Variants in CD163L1 observed in about 807,000 individuals in gnomAD.
The protein encoded by CD163L1 is scavenger receptor cysteine-rich type 1 protein M160.
CD163L1 carries 124 observed loss-of-function variants against 165.4 expected under a neutral mutation model. The observed-to-expected ratio is 0.75, with a 90% CI of 0.65 to 0.87. The LOEUF is 0.87. Among genes scored for constraint, CD163L1 ranks in the 40% least tolerant of loss-of-function variants. The pLI is 0.00. For missense variants in CD163L1, 1,525 were observed against 1,799.9 expected (o/e 0.85, Z 2.76); for synonymous variants, 585 against 662.2 (o/e 0.88, Z 1.79).
chr12:7,370,382 ATTCT>A (rs1947120476), intron 14 of CD163L1, among the ~76,000 whole-genome samples: 1 of 152,128 alleles, frequency 6.6e-6, no homozygotes, highest in African/African-American at 2.4e-5. Flanking sequence ...TTTATGTTTC[ATTCT>A]TTATTATTTT....
chr12:7,364,611 A>G (rs1288716957), intron 18 of CD163L1, among the ~76,000 whole-genome samples: 1 of 152,198 alleles, frequency 6.6e-6, no homozygotes, highest in Non-Finnish European at 1.5e-5. Context: ...CAAAATCAAC[A>G]TATAAAAATC....
intron 6 of CD163L1, among the ~76,000 whole-genome samples, chr12:7,399,527 TTC>T (rs1398787912): frequency 6.5e-5 from 1 of 15,434 alleles, no homozygotes; most frequent in African/African-American, 2.5e-4. Flanking sequence ...CTCTCTTTCT[TTC>T]TCTTTCTTTC....
chr12:7,368,274 G>C lies in CD163L1; in HGVS notation c.4073-77C>G. ...GGGTTTATACATTGTAAAAAAAACT[G>C]GTTCCCTAGTTGCTGAGAAGAATAA... is the stretch of plus-strand genomic sequence containing the variant. On this transcript the variant is annotated intron_variant, in intron 16 of 19. Transcript: ENST00000313599. The surrounding 1 kb of genome is among the most constrained non-coding windows in gnomAD (Gnocchi z 4.3). 1.3e-6 allele frequency: 1 copy of C among 757,430 alleles called. No individual in the cohort carries two copies. The highest frequency in any genetic ancestry group is 1.8e-5 in the South Asian group (1 of 55,744). The allele number at this position is 757,430 out of a possible 1,614,324, so 46.9% of individuals were successfully genotyped here.
rs767476279 is a variant in CD163L1 at position 7,432,674 on chromosome 12, C to A, written c.508G>T (p.Val170Leu). The change falls in exon 4 of 20, where the codon GTG (valine) becomes TTG (leucine). Residue 170 changes from valine to leucine, a missense_variant. By Grantham distance (32) the Val-to-Leu change is conservative. Coordinates refer to ENST00000313599, the MANE Select transcript of CD163L1 (RefSeq NM_174941.6). The surrounding 1 kb of genome is among the most constrained non-coding windows in gnomAD (Gnocchi z 4.2). ...GNNSCSGRVE[V>L]KFQERWGTIC... ...GTTCCCCACCTTTCTTGGAATTTCA[C>A]CTCCACTCTCCCTGAACAGGAGTTG... 1 of 1,614,028 alleles carries A rather than the reference C, an allele frequency of 6.2e-7. No individual in the cohort carries two copies. The highest frequency in any genetic ancestry group is 1.1e-5 in the South Asian group (1 of 91,042).
chr12:7,421,024 C>CGT (rs1555202004), intron 4 of CD163L1, among the ~76,000 whole-genome samples: 2 of 105,024 alleles, frequency 1.9e-5, no homozygotes, highest in African/African-American at 9.2e-5. Flanking sequence ...TATATATATA[C>CGT]ATATATATAT....
chr12:7,422,983 T>C (rs1320894733), intron 4 of CD163L1, among the ~76,000 whole-genome samples: 2 of 151,970 alleles, frequency 1.3e-5, no homozygotes, highest in South Asian at 2.1e-4. Context: ...GCAAACCTAA[T>C]AGATATCTAC....
At chr12:7,412,389 C>T (rs1485932285) in intron 4 of CD163L1, among the ~76,000 whole-genome samples, 1 of 152,124 alleles carries the variant, frequency 6.6e-6, no homozygotes, top group Non-Finnish European at 1.5e-5. Context: ...ACCAAAATTA[C>T]ATAAGCAATT....
chr12:7,440,359 C>G (rs2136654466), intron 2 of CD163L1, among the ~76,000 whole-genome samples: 1 of 151,542 alleles, frequency 6.6e-6, no homozygotes, highest in South Asian at 2.1e-4. Flanking sequence ...CGCCATCCCC[C>G]CACCGCCGCA....
intron 2 of CD163L1, chr12:7,439,851 C>G: frequency 6.2e-7 from 1 of 1,612,558 alleles, no homozygotes. Flanking sequence ...CGCCAAAGGC[C>G]TCCGCTCCTC....
chr12:7,369,566 A>G lies in CD163L1; in HGVS notation c.3830T>C (p.Leu1277Pro), dbSNP rs1947102832. Residue 1277 changes from leucine to proline, a missense_variant, in exon 15 of 20, where the codon CTG (leucine) becomes CCG (proline). Leu to Pro is a moderately conservative substitution (Grantham distance 98). Coordinates refer to ENST00000313599, the MANE Select transcript of CD163L1 (RefSeq NM_174941.6). This position sits in a 1 kb window ranked among gnomAD's most constrained non-coding sequence, Gnocchi z 4.9. The part of the protein sequence containing the change: ...WGTVCDDSWD[L>P]AEAEVVCQQL... ...CTGACACACCACTTCCGCCTCGGCC[A>G]GGTCCCAGGAGTCATCACACACTGT... The G allele has an allele frequency of 6.2e-7, 1 of 1,614,174 alleles. No homozygotes were observed. Among genetic ancestry groups the G allele is most frequent in the African/African-American group, 1.3e-5 (1 of 75,048 alleles).
chr12:7,368,238 A>C lies in CD163L1; in HGVS notation c.4073-41T>G. 1.8e-6 allele frequency: 2 copies of C among 1,137,592 alleles called. No individual in the cohort carries two copies. Among genetic ancestry groups the C allele is most frequent in the Non-Finnish European group, 2.6e-6 (2 of 757,856 alleles). The allele number at this position is 1,137,592 out of a possible 1,614,324, so 70.5% of individuals were successfully genotyped here. On this transcript the variant is annotated intron_variant, in intron 16 of 19. Transcript: ENST00000313599. This position sits in a 1 kb window ranked among gnomAD's most constrained non-coding sequence, Gnocchi z 4.3. The stretch of plus-strand genomic sequence containing the variant: ...GCATTGATAAGTATTAAACTAGTAG[A>C]TATCAATTGTGGGTTTATACATTGT...
At chr12:7,388,899 C>A (rs772579988) in intron 8 of CD163L1, among the ~76,000 whole-genome samples, 1 of 152,250 alleles carries the variant, frequency 6.6e-6, no homozygotes, top group East Asian at 1.9e-4. Flanking sequence ...AATCAGTACA[C>A]CAAAGGAATA....
At chr12:7,323,977 G>T in the CD163L1 span, among the ~76,000 whole-genome samples, 1 of 152,014 alleles carries the variant, frequency 6.6e-6, no homozygotes, top group Non-Finnish European at 1.5e-5. Context: ...AAGAGTTCAA[G>T]ACCAGCCTGG....
chr12:7,359,796 A>G (rs768163468), intron 18 of CD163L1, among the ~76,000 whole-genome samples: 7 of 152,262 alleles, frequency 4.6e-5, no homozygotes, highest in African/African-American at 1.7e-4. Context: ...CTGGATATAG[A>G]ATTCTGGATT....
At chr12:7,333,177 C>A in the CD163L1 span, among the ~76,000 whole-genome samples, 4 of 152,222 alleles carry the variant, frequency 2.6e-5, no homozygotes, top group Non-Finnish European at 5.9e-5. Flanking sequence ...CCCAAATCAA[C>A]AGAATATACG....
chr12:7,430,471 C>T (rs1424515062), intron 4 of CD163L1, among the ~76,000 whole-genome samples: 1 of 152,144 alleles, frequency 6.6e-6, no homozygotes, highest in African/African-American at 2.4e-5. Context: ...TATGCCTCTT[C>T]CACCTCTCCG....
chr12:7,410,604 CAA>C lies in CD163L1; in HGVS notation c.767-3754_767-3753del, dbSNP rs140470376. Among the ~76,000 whole-genome samples, 14 of 109,330 alleles carry C rather than the reference CAA, an allele frequency of 1.3e-4. No individual in the cohort carries two copies. The South Asian group carries it at 1.5e-3, about 11-fold the overall frequency. The allele number at this position is 109,330 out of a possible 152,430, so 71.7% of individuals were successfully genotyped here. On this transcript the variant is annotated intron_variant, in intron 4 of 19. Transcript: ENST00000313599. ...GAGTGACAGAGCGAGAGTCCATATC[CAA>C]AAAAAAAAAAAGGAGAGCGACGAGA...
intron 1 of CD163L1, 34 bp downstream of exon 1, chr12:7,444,063 C>G: frequency 1.2e-6 from 2 of 1,610,740 alleles, no homozygotes; most frequent in Non-Finnish European, 1.7e-6. Flanking sequence ...CACCATCTCC[C>G]AAATGGCAGA....
intron 18 of CD163L1, among the ~76,000 whole-genome samples, chr12:7,361,870 C>T (rs1339003308): frequency 6.6e-6 from 1 of 151,872 alleles, no homozygotes; most frequent in Non-Finnish European, 1.5e-5. Context: ...TTCTTTTTAT[C>T]TTGCAAAATG....
Sources: allele counts gnomAD v4.1 joint callset (sites outside exome capture counted in the v4.1 genomes callset), GRCh38; gene constraint gnomAD v4.1.1; non-coding constraint Gnocchi (gnomAD v3.1); transcripts MANE v1.5; gene names NCBI Gene and HGNC (gene_info 2026-07-23, HGNC 2026-07-21).